SDC2: variants seen among roughly 807,000 people sequenced by gnomAD.
The protein encoded by SDC2 is syndecan-2.
Under a neutral mutation model 22.2 loss-of-function variants are expected in SDC2, and 13 were observed. That is an observed-to-expected ratio of 0.59 (90% CI 0.38 to 0.93). SDC2 has a LOEUF of 0.93. SDC2 is among the 40% of genes least tolerant of loss of function. The pLI is 0.00. For synonymous variants in SDC2, 94 were observed against 92.8 expected (o/e 1.01, Z -0.07); for missense variants, 235 against 246.8 (o/e 0.95, Z 0.32).
At chr8:96,579,784 A>G (rs949740543) in intron 1 of SDC2, among the ~76,000 whole-genome samples, 1 of 152,216 alleles carries the variant, frequency 6.6e-6, no homozygotes, top group Admixed American at 6.5e-5. Flanking sequence ...TGTCTCTTAC[A>G]TGAAAGGCAG....
intron 1 of SDC2, among the ~76,000 whole-genome samples, chr8:96,504,804 T>G (rs13254411): frequency 0.22 from 33,776 of 152,180 alleles, 3,889 homozygotes; most frequent in Non-Finnish European, 0.27. Context: ...TGTATTTTTT[T>G]TGTGTGTGTG....
intron 1 of SDC2, among the ~76,000 whole-genome samples, chr8:96,591,984 T>TA (rs539902187): frequency 1.8e-4 from 27 of 152,142 alleles, no homozygotes; most frequent in Non-Finnish European, 3.7e-4. Flanking sequence ...TCTGGAATGG[T>TA]GATAGCCTTG....
At chr8:96,580,838 G>A (rs1563669414) in intron 1 of SDC2, among the ~76,000 whole-genome samples, 1 of 152,126 alleles carries the variant, frequency 6.6e-6, no homozygotes, top group Non-Finnish European at 1.5e-5. Flanking sequence ...TATTAATTTG[G>A]GAAGAATTGA....
chr8:96,588,570 A>T (rs1814725024), intron 1 of SDC2, among the ~76,000 whole-genome samples: 1 of 152,222 alleles, frequency 6.6e-6, no homozygotes, highest in African/African-American at 2.4e-5. Context: ...AGGAGGCATC[A>T]TCTAGATGTT....
intron 1 of SDC2, among the ~76,000 whole-genome samples, chr8:96,517,502 T>C (rs1813419659): frequency 6.6e-6 from 1 of 152,198 alleles, no homozygotes; most frequent in Admixed American, 6.5e-5. Context: ...GAATTAGTTT[T>C]TGCATATGTT....
Position 96,519,372 on chromosome 8 carries a change from A to C in SDC2, c.60+25041A>C, listed in dbSNP as rs765209938. 7.6e-4 allele frequency among the ~76,000 whole-genome samples: 115 copies of C among 152,166 alleles called. 1 individual carries two copies. The highest frequency in any genetic ancestry group is 1.3e-3 in the Non-Finnish European group (91 of 68,024). ...GATGTTTACTTTTCGTCATTTCTTAATGCTCCACGTTACAGAAATTTTTCA... is the reference window on the plus strand; with the variant it reads ...GATGTTTACTTTTCGTCATTTCTTACTGCTCCACGTTACAGAAATTTTTCA... On this transcript the variant is annotated intron_variant, in intron 1 of 4. Transcript: ENST00000302190.
At chr8:96,499,986 T>C (rs1813136914) in intron 1 of SDC2, among the ~76,000 whole-genome samples, 2 of 151,918 alleles carry the variant, frequency 1.3e-5, no homozygotes, top group African/African-American at 4.8e-5. Flanking sequence ...CATTTTGGGG[T>C]TGGTTGGCAC....
intron 1 of SDC2, among the ~76,000 whole-genome samples, chr8:96,538,026 A>G (rs1350731544): frequency 4.6e-5 from 7 of 151,474 alleles, no homozygotes; most frequent in Non-Finnish European, 8.8e-5. Context: ...GCAGTAGTGC[A>G]ATCTCGGCTC....
intron 1 of SDC2, among the ~76,000 whole-genome samples, chr8:96,589,654 G>A (rs538819116): frequency 5.3e-4 from 81 of 152,230 alleles, no homozygotes; most frequent in African/African-American, 1.7e-3. Context: ...CAGGTGATCC[G>A]CCCGCCTTGG....
At chr8:96,542,708 A>G (rs1283429312) in intron 1 of SDC2, among the ~76,000 whole-genome samples, 4 of 151,708 alleles carry the variant, frequency 2.6e-5, no homozygotes, top group Non-Finnish European at 5.9e-5. Context: ...GTGGGAATTC[A>G]GGGCGGGGGT....
rs1814776968 is a variant in SDC2 at position 96,591,297 on chromosome 8, G to A, written c.61-2183G>A. Among the ~76,000 whole-genome samples, 3 of 152,310 alleles carry A rather than the reference G, an allele frequency of 2.0e-5. No individual in the cohort carries two copies. The South Asian group carries it at 6.2e-4, about 32-fold the overall frequency. The stretch of plus-strand genomic sequence containing the variant: ...AAGGGAATATTTTGCTTACTTTTAA[G>A]ACTGTAGGTTACTTAAATAGATGCA... On this transcript the variant is annotated intron_variant, in intron 1 of 4. Transcript: ENST00000302190.
chr8:96,574,890 A>C (rs1181460433), intron 1 of SDC2, among the ~76,000 whole-genome samples: 1 of 152,156 alleles, frequency 6.6e-6, no homozygotes. Flanking sequence ...CCACTGACCG[A>C]GGGCAGGGGT....
chr8:96,532,484 A>T (rs1000892315), intron 1 of SDC2, among the ~76,000 whole-genome samples: 10 of 126,378 alleles, frequency 7.9e-5, no homozygotes, highest in Non-Finnish European at 1.6e-4. Context: ...ACCTCCAGGG[A>T]CATGGGTAAA....
intron 1 of SDC2, among the ~76,000 whole-genome samples, chr8:96,571,532 T>C (rs1000494973): frequency 6.6e-6 from 1 of 152,248 alleles, no homozygotes; most frequent in Non-Finnish European, 1.5e-5. Context: ...TTTATATGAT[T>C]CAGCCTAATC....
intron 1 of SDC2, among the ~76,000 whole-genome samples, chr8:96,563,406 T>C (rs954748937): frequency 6.6e-6 from 1 of 152,244 alleles, no homozygotes; most frequent in Non-Finnish European, 1.5e-5. Context: ...TCATGCTCTT[T>C]GCTACCTAAC....
At chr8:96,546,442 A>G (rs1020910735) in intron 1 of SDC2, among the ~76,000 whole-genome samples, 2 of 152,126 alleles carry the variant, frequency 1.3e-5, no homozygotes, top group African/African-American at 2.4e-5. Flanking sequence ...ACAAATTCCT[A>G]TTAGTGAAAA....
chr8:96,556,789 T>C (rs1412826505), intron 1 of SDC2, among the ~76,000 whole-genome samples: 1 of 150,628 alleles, frequency 6.6e-6, no homozygotes, highest in Non-Finnish European at 1.5e-5. Flanking sequence ...CTAATTAAAC[T>C]AAAGAGCTTC....
intron 1 of SDC2, among the ~76,000 whole-genome samples, chr8:96,590,020 A>G (rs1814752165): frequency 1.3e-5 from 2 of 152,234 alleles, no homozygotes; most frequent in South Asian, 2.1e-4. Flanking sequence ...AATTTCATCT[A>G]TGGAGGCAGT....
chr8:96,514,728 G>A (rs1210839325), intron 1 of SDC2, among the ~76,000 whole-genome samples: 1 of 152,180 alleles, frequency 6.6e-6, no homozygotes, highest in Non-Finnish European at 1.5e-5. Context: ...CCTTTCACAA[G>A]GAGTGTGCAA....
Sources: gnomAD v4.1 joint callset for allele counts (sites outside exome capture counted in the v4.1 genomes callset) on GRCh38, gnomAD v4.1.1 for gene constraint, MANE v1.5 for transcripts, NCBI Gene and HGNC (gene_info 2026-07-23, HGNC 2026-07-21) for gene names.